The following FAM228B variants were observed in gnomAD, a reference collection of about 807,000 sequenced individuals.
FAM228B encodes the protein protein FAM228B.
Under a neutral mutation model 42.6 loss-of-function variants are expected in FAM228B, and 38 were observed. That is an observed-to-expected ratio of 0.89 (90% CI 0.69 to 1.17). The LOEUF (loss-of-function observed/expected upper bound fraction) is 1.17. Ranked by LOEUF, FAM228B falls within the 50% of genes most tolerant of loss-of-function variation. FAM228B has a pLI of 0.00. For synonymous variants in FAM228B, 109 were observed against 122.3 expected (o/e 0.89, Z 0.72); for missense variants, 344 against 367.3 (o/e 0.94, Z 0.52).
chr2:24,091,430 C>CAAAACA (rs1665390611), intron 2 of FAM228B, among the ~76,000 whole-genome samples: 1 of 151,956 alleles, frequency 6.6e-6, no homozygotes, highest in South Asian at 2.1e-4. Flanking sequence ...GATTCCGTCT[C>CAAAACA]AAAACAAAAA....
At chr2:24,129,424 G>C (rs1023803664) in intron 2 of FAM228B, among the ~76,000 whole-genome samples, 1 of 150,752 alleles carries the variant, frequency 6.6e-6, no homozygotes, top group Non-Finnish European at 1.5e-5. Context: ...GTTGTTTCCT[G>C]CTCCATTCTT....
chr2:24,132,657 T>C (rs542382228), intron 2 of FAM228B, among the ~76,000 whole-genome samples: 7 of 152,156 alleles, frequency 4.6e-5, no homozygotes, highest in African/African-American at 1.7e-4. Context: ...TCTCCATTGA[T>C]TGTTTTTTTC....
chr2:24,091,950 G>A (rs1453361808), intron 2 of FAM228B, among the ~76,000 whole-genome samples: 1 of 152,042 alleles, frequency 6.6e-6, no homozygotes, highest in Non-Finnish European at 1.5e-5. Flanking sequence ...AGAATAGTAG[G>A]GTTGGGAGTG....
rs2150988449 is a variant in FAM228B at position 24,084,752 on chromosome 2, A to C, written c.-210+3797A>C. 6.4e-6 allele frequency: 1 copy of C among 157,280 alleles called. No homozygotes were observed. 9.7% of individuals were successfully genotyped at this position (157,280 alleles called of 1,614,324 possible). A position where few individuals can be genotyped will look rare whatever the true frequency, so the allele number is the denominator to read the frequency against. ...TTACTCCTGGCCCGGCTCCCCTCCC[A>C]TGCACCAGGCGGCGCCGAGTGGTTC... is the stretch of plus-strand genomic sequence containing the variant. On this transcript the variant is annotated intron_variant, in intron 2 of 10. Transcript: ENST00000613899. This position sits in a 1 kb window ranked among gnomAD's most constrained non-coding sequence, Gnocchi z 8.4.
intron 3 of FAM228B, among the ~76,000 whole-genome samples, chr2:24,105,003 C>T (rs1246797958): frequency 6.6e-6 from 1 of 152,238 alleles, no homozygotes; most frequent in Non-Finnish European, 1.5e-5. Context: ...CCCAGTGGCT[C>T]TACTTCTACC....
intron 5 of FAM228B, among the ~76,000 whole-genome samples, chr2:24,144,413 G>A (rs929277718): frequency 3.9e-5 from 6 of 152,222 alleles, no homozygotes; most frequent in African/African-American, 1.2e-4. Flanking sequence ...ACGACAGAGC[G>A]AGACCCTGTC....
rs1156603467 is a variant in FAM228B at position 24,155,504 on chromosome 2, C to CATAT, written c.687-5977_687-5974dup. ...GTGCCAGAAGTCATTGAAGACCATG[C>CATAT]ATATATATATATATATATATATATA... On this transcript the variant is annotated intron_variant, in intron 7 of 10. Transcript: ENST00000615575. Among the ~76,000 whole-genome samples, 100 of 35,894 alleles carry CATAT rather than the reference C, an allele frequency of 2.8e-3. 1 individual carries two copies. The highest frequency in any genetic ancestry group is 7.9e-3 in the African/African-American group (78 of 9,894). 23.5% of individuals were successfully genotyped at this position (35,894 alleles called of 152,430 possible). A position where few individuals can be genotyped will look rare whatever the true frequency, so the allele number is the denominator to read the frequency against.
chr2:24,146,649 C>A, intron 5 of FAM228B, 99 bp from the exon 6 acceptor site: 1 of 690,584 alleles, frequency 1.4e-6, no homozygotes, highest in Non-Finnish European at 2.4e-6. Flanking sequence ...TTTACCCTCC[C>A]GGCATAAGAG....
At position 24,165,973 on chromosome 2, in the gene FAM228B, C is replaced by T. The variant is rs181867768; in HGVS notation, c.932+1638C>T. ...AGGAGAATCGCTTGAATCTGGAAGG[C>T]GGAGGTTGCGGTGAGCTGAGATCAC... On this transcript the variant is annotated intron_variant, in intron 9 of 10. Transcript: ENST00000615575. 546 of 148,322 alleles carry T rather than the reference C, an allele frequency of 3.7e-3. 5 individuals are homozygous for T. The highest frequency in any genetic ancestry group is 8.1e-3 in the Admixed American group (117 of 14,372). The allele number at this position is 148,322 out of a possible 1,614,324, so 9.2% of individuals were successfully genotyped here. A position where few individuals can be genotyped will look rare whatever the true frequency, so the allele number is the denominator to read the frequency against.
chr2:24,120,277 A>AAAAAC (rs1553329187), upstream of FAM228B, among the ~76,000 whole-genome samples: 4 of 151,498 alleles, frequency 2.6e-5, no homozygotes, highest in African/African-American at 9.7e-5. Context: ...TCAAAAAAAA[A>AAAAAC]AACAACAACA....
chr2:24,148,931 C>T (rs1434877466), intron 7 of FAM228B, among the ~76,000 whole-genome samples: 5 of 152,010 alleles, frequency 3.3e-5, no homozygotes, highest in Non-Finnish European at 2.9e-5. Context: ...TCCATGAGTT[C>T]GATTGTTTTG....
chr2:24,124,399 CA>C lies in FAM228B; in HGVS notation c.39del (p.Leu14PhefsTer22). 1 of 1,551,908 alleles carries C rather than the reference CA, an allele frequency of 6.4e-7. No homozygotes were observed. The highest frequency in any genetic ancestry group is 2.4e-5 in the East Asian group (1 of 40,910). On this transcript the variant is annotated frameshift_variant, in exon 2 of 11. Transcript: ENST00000615575. LOFTEE classifies it high-confidence loss of function. ...GACAGTGATGATCTGGTAACTGGCA[CA>C]CTTCCCAAGCTCAAGAGCTCAAAAG... ...NVDSDDLVTG[T>X]LPKLKSSKEW...
intron 2 of FAM228B, among the ~76,000 whole-genome samples, chr2:24,094,619 G>A (rs934356929): frequency 6.6e-6 from 1 of 151,932 alleles, no homozygotes; most frequent in Admixed American, 6.6e-5. Flanking sequence ...CTAGTAGCTG[G>A]GACTATAGGC....
At chr2:24,159,045 C>G (rs984849975) in intron 7 of FAM228B, among the ~76,000 whole-genome samples, 1 of 152,168 alleles carries the variant, frequency 6.6e-6, no homozygotes, top group Non-Finnish European at 1.5e-5. Context: ...CAGTCTCTGT[C>G]TCCATCTTCA....
intron 2 of FAM228B, among the ~76,000 whole-genome samples, chr2:24,134,515 T>C (rs1407138182): frequency 6.6e-6 from 1 of 152,158 alleles, no homozygotes; most frequent in Non-Finnish European, 1.5e-5. Flanking sequence ...GTAAAAGCAT[T>C]TTATAGGAAG....
At chr2:24,146,672 G>A (rs1573774762) in intron 5 of FAM228B, 76 bp from the exon 6 acceptor site, 2 of 960,468 alleles carry the variant, frequency 2.1e-6, no homozygotes, top group South Asian at 3.3e-5. Flanking sequence ...ATCCATATGT[G>A]GATGCTTAGA....
At chr2:24,147,681 T>C (rs1272253700) in intron 7 of FAM228B, among the ~76,000 whole-genome samples, 1 of 152,200 alleles carries the variant, frequency 6.6e-6, no homozygotes, top group Admixed American at 6.5e-5. Flanking sequence ...AAGGAACTCT[T>C]CATCTTTGAT....
chr2:24,155,783 C>T (rs568899402), intron 7 of FAM228B, among the ~76,000 whole-genome samples: 140 of 151,966 alleles, frequency 9.2e-4, no homozygotes, highest in Middle Eastern at 6.8e-3. Context: ...TCAGGTGATC[C>T]GCTGCCTTGG....
intron 3 of FAM228B, 25 bp downstream of exon 3, chr2:24,135,212 C>T (rs1383926345): frequency 5.5e-6 from 7 of 1,281,176 alleles, no homozygotes; most frequent in Non-Finnish European, 7.5e-6. Context: ...CAAAATGCAT[C>T]TCAGTTAAAA....
Sources: allele counts gnomAD v4.1 joint callset (sites outside exome capture counted in the v4.1 genomes callset), GRCh38; gene constraint gnomAD v4.1.1; non-coding constraint Gnocchi (gnomAD v3.1); transcripts MANE v1.5; gene names NCBI Gene and HGNC (gene_info 2026-07-23, HGNC 2026-07-21).